The following TTN variants were observed in gnomAD, a reference collection of about 807,000 sequenced individuals.
TTN encodes the protein titin.
TTN carries 1,525 observed loss-of-function variants against 3,223.0 expected under a neutral mutation model. The observed-to-expected ratio is 0.47, with a 90% CI of 0.45 to 0.49. The LOEUF (loss-of-function observed/expected upper bound fraction) is 0.49, where lower values mean the gene tolerates loss of function less well. Ranked by LOEUF, TTN falls within the 20% of genes least tolerant of loss-of-function variation. The pLI is 0.00. For synonymous variants in TTN, 14,094 were observed against 15,161.0 expected (o/e 0.93, Z 5.17); for missense variants, 40,786 against 43,424.0 (o/e 0.94, Z 5.40).
chr2:178,746,289 T>A, intron 47 of TTN: 2 of 1,612,292 alleles, frequency 1.2e-6, no homozygotes, highest in Non-Finnish European at 1.7e-6. Context: ...TCTAAATCAA[T>A]TTTTAGTTCT....
rs532935186 is a variant in TTN at position 178,563,035 on chromosome 2, G to T, written c.83097C>A (p.Ile27699=). The T allele has an allele frequency of 6.2e-7, 1 of 1,613,640 alleles. No individual in the cohort carries two copies. Among genetic ancestry groups the T allele is most frequent in the South Asian group, 1.1e-5 (1 of 91,068 alleles). ...ASATLRLFVT[I]KGRPEPEVKW... ...TAACTTCGGGTTCTGGTCGACCTTTGATAGTGACAAATAAGCGTAAAGTAG... is the reference window on the plus strand; with the variant it reads ...TAACTTCGGGTTCTGGTCGACCTTTTATAGTGACAAATAAGCGTAAAGTAG... Residue 27699 remains isoleucine (I), a synonymous_variant, in exon 326 of 363, where the codon ATC becomes ATA. Coordinates refer to ENST00000589042, the MANE Select transcript of TTN (RefSeq NM_001267550.2). This position sits in a 1 kb window ranked among gnomAD's most constrained non-coding sequence, Gnocchi z 4.5.
rs758306883 is a variant in TTN, at chr2:178,539,367, T to G, written c.98683+15A>C. ...GAAATAATGTTTATAATTTTGTGGT[T>G]GAAAGGGCACTTACTCAATGGTGTT... On this transcript the variant is annotated intron_variant, in intron 352 of 362. Transcript: ENST00000589042. 4 of 1,605,430 alleles carry G rather than the reference T, an allele frequency of 2.5e-6. No individual in the cohort carries two copies. In the South Asian group the frequency reaches 4.4e-5, roughly 18 times the overall value.
At position 178,779,487 on chromosome 2, in the gene TTN, T is replaced by A. The variant is rs199632237; in HGVS notation, c.3730-25A>T. 104 of 1,309,268 alleles carry A rather than the reference T, an allele frequency of 7.9e-5. 1 individual carries two copies. The highest frequency in any genetic ancestry group is 5.3e-4 in the Admixed American group (30 of 57,056). 81.1% of individuals were successfully genotyped at this position (1,309,268 alleles called of 1,614,324 possible). On this transcript the variant is annotated intron_variant, in intron 22 of 362. Coordinates refer to ENST00000589042, the MANE Select transcript of TTN (RefSeq NM_001267550.2). ...CCTATGCAAAAAGATTATGGTCTGT[T>A]AAAAATACATATCCTTACTGATATA...
rs777746298 is a variant in TTN, at chr2:178,533,348, T to C, written c.103267A>G (p.Ile34423Val). The C allele has an allele frequency of 4.3e-6, 7 of 1,613,702 alleles. No homozygotes were observed. Among genetic ancestry groups the C allele is most frequent in the Non-Finnish European group, 3.4e-6 (4 of 1,179,872 alleles). The change falls in exon 358 of 363, where the codon ATC becomes GTC. Residue 34423 changes from isoleucine to valine, a missense_variant. Physicochemically the swap from Ile to Val is conservative, Grantham distance 29 (BLOSUM62 3). Coordinates refer to ENST00000589042, the MANE Select transcript of TTN (RefSeq NM_001267550.2). ...GTGTCTTCAGGCAAAGTGTCCCTGA[T>C]GTGCAGAGCATAATAATCCAAGCCT... The part of the protein sequence containing the change: ...HEGLDYYALH[I>V]RDTLPEDTGY...
In TTN at chr2:178,590,207, T is replaced by G; in HGVS notation, c.61518A>C (p.Pro20506=). The G allele has an allele frequency of 6.2e-7, 1 of 1,607,370 alleles. No homozygotes were observed. Among genetic ancestry groups the G allele is most frequent in the Non-Finnish European group, 8.5e-7 (1 of 1,176,712 alleles). Residue 20506 remains proline (P), a synonymous_variant, in exon 304 of 363, where the codon CCA becomes CCC. Transcript: ENST00000589042. ...ILARVKGRPE[P]DITWTKEGKV... is the part of the protein sequence containing the mutation. ...TGCCTTCCTTAGTCCAAGTTATGTC[T>G]GGTTCAGGTCTGCCTTTGACTCGAG...
Position 178,740,493 on chromosome 2 carries a change from T to C in TTN, c.12740A>G (p.Glu4247Gly), listed in dbSNP as rs879038684. 1.2e-5 allele frequency: 20 copies of C among 1,613,626 alleles called. No homozygotes were observed. The highest frequency in any genetic ancestry group is 2.2e-5 in the East Asian group (1 of 44,804). ...TTGCTTTTGAAGAGTCACTCTTTGCTCTCTGTTGGTGTCAGATACTGTCTT... is the reference window on the plus strand; with the variant it reads ...TTGCTTTTGAAGAGTCACTCTTTGCCCTCTGTTGGTGTCAGATACTGTCTT... ...KEKTVSDTNREQRVTLQKQEA... is the reference protein window; with the variant it reads ...KEKTVSDTNRGQRVTLQKQEA... The change falls in exon 48 of 363, where the codon GAG becomes GGG. Residue 4247 changes from glutamate to glycine, a missense_variant. Coordinates refer to ENST00000589042, the MANE Select transcript of TTN (RefSeq NM_001267550.2).
intron 288 of TTN, among the ~76,000 whole-genome samples, 177 bp from the exon 289 acceptor site, chr2:178,600,027 C>A (rs574157320): frequency 6.6e-6 from 1 of 151,906 alleles, no homozygotes; most frequent in African/African-American, 2.4e-5. Context: ...AGCAGGTACA[C>A]GGGGTCAGCA....
At chr2:178,730,877 A>G (rs759331315) in intron 60 of TTN, 48 bp downstream of exon 60, 1 of 1,538,072 alleles carries the variant, frequency 6.5e-7, no homozygotes, top group South Asian at 1.3e-5. Context: ...TTAAGGGAAG[A>G]AGGAGCATGG....
At chr2:178,758,877 A>C (rs2088136642) in intron 44 of TTN, 107 bp downstream of exon 44, 2 of 1,159,516 alleles carry the variant, frequency 1.7e-6, no homozygotes, top group Non-Finnish European at 2.6e-6. Flanking sequence ...ATTAGAAGAG[A>C]ATGGTAGGAA....
In TTN at chr2:178,549,829, A is replaced by G. The variant is rs752220914; in HGVS notation, c.91893T>C (p.Asn30631=). The change falls in exon 338 of 363, where the codon AAT becomes AAC. Residue 30631 remains asparagine (N), a synonymous_variant. Coordinates refer to ENST00000589042, the MANE Select transcript of TTN (RefSeq NM_001267550.2). ...ACAGAGTCATCTTCTCCCCAGTAATATTGGTGAATCTTATTGGCCCAACTA... is the reference window on the plus strand; with the variant it reads ...ACAGAGTCATCTTCTCCCCAGTAATGTTGGTGAATCTTATTGGCCCAACTA... The part of the protein sequence containing the change: ...GKVVGPIRFT[N]ITGEKMTLWW... 1 of 1,595,560 alleles carries G rather than the reference A, an allele frequency of 6.3e-7. No individual in the cohort carries two copies. The highest frequency in any genetic ancestry group is 8.6e-7 in the Non-Finnish European group (1 of 1,168,892).
At chr2:178,779,948 A>G in intron 22 of TTN, 52 bp downstream of exon 22, 12 of 1,567,756 alleles carry the variant, frequency 7.7e-6, no homozygotes, top group Non-Finnish European at 1.0e-5. Flanking sequence ...AAATAAAAAA[A>G]GGAAAGTATA....
At position 178,544,567 on chromosome 2, in the gene TTN, A is replaced by AT. The variant is rs551218661; in HGVS notation, c.95723-62dup. The stretch of plus-strand genomic sequence containing the variant: ...CAAATAAGGAAATGTTGAGATTTGT[A>AT]TTTTTTGTTTTCAAGACTCACAAAG... On this transcript the variant is annotated intron_variant, in intron 344 of 362. Transcript: ENST00000589042. 2.9e-4 allele frequency: 431 copies of AT among 1,463,802 alleles called. 1 individual carries two copies. The African/African-American group carries it at 5.0e-3, about 17-fold the overall frequency. The allele number at this position is 1,463,802 out of a possible 1,614,324, so 90.7% of individuals were successfully genotyped here.
At chr2:178,702,794 C>A in intron 106 of TTN, 131 bp from the exon 107 acceptor site, 1 of 911,542 alleles carries the variant, frequency 1.1e-6, no homozygotes. Context: ...GTTCAAAAAT[C>A]CAAAATGAGA....
In TTN at chr2:178,605,104, C is replaced by T. The variant is rs2054470493; in HGVS notation, c.54073G>A (p.Glu18025Lys). Residue 18025 changes from glutamate (E) to lysine (K), a missense_variant, in exon 280 of 363, where the codon GAG becomes AAG. Glu to Lys is a moderately conservative substitution (Grantham distance 56). Coordinates refer to ENST00000589042, the MANE Select transcript of TTN (RefSeq NM_001267550.2). Reference sequence around the variant, plus strand: ...GGAATGCTAAGCTCAGTTTTTGCCTCACTTCGGGATACCTCTTCCTTGGTT... The same window carrying T: ...GGAATGCTAAGCTCAGTTTTTGCCTTACTTCGGGATACCTCTTCCTTGGTT... ...QITKEEVSRS[E>K]AKTELSIPKA... 1 of 1,612,738 alleles carries T rather than the reference C, an allele frequency of 6.2e-7. No individual in the cohort carries two copies. The highest frequency in any genetic ancestry group is 2.2e-5 in the East Asian group (1 of 44,698).
Position 178,702,199 on chromosome 2 carries a change from T to G in TTN, c.30480A>C (p.Arg10160Ser). Residue 10160 changes from arginine to serine, a missense_variant, in exon 108 of 363, where the codon AGA becomes AGC. Arg to Ser is a moderately radical substitution (Grantham distance 110). Transcript: ENST00000589042. The stretch of plus-strand genomic sequence containing the variant: ...TCGTTAGGTACAGCTCTGCCGTGCT[T>G]CTTGCTTCACCTCTTGGCTCCAGCC... ...IARLEPRGEA[R>S]STAELYLTTK... The G allele has an allele frequency of 6.2e-7, 1 of 1,614,032 alleles. No individual in the cohort carries two copies. The highest frequency in any genetic ancestry group is 8.5e-7 in the Non-Finnish European group (1 of 1,179,888).
chr2:178,732,560 CT>C lies in TTN; in HGVS notation c.16500del (p.Glu5501LysfsTer3). The C allele has an allele frequency of 6.2e-7, 1 of 1,613,674 alleles. No individual in the cohort carries two copies. The highest frequency in any genetic ancestry group is 8.5e-7 in the Non-Finnish European group (1 of 1,179,752). ...LVSGGSCYIT[K>X]EALESSLELY... ...AGTTCCAGGGAACTCTCTAAAGCTT[CT>C]TTGGTAATATAGCAGCTTCCACCAG... is the stretch of plus-strand genomic sequence containing the variant. On this transcript the variant is annotated frameshift_variant, in exon 56 of 363. Transcript: ENST00000589042. LOFTEE classifies it high-confidence loss of function.
intron 226 of TTN, 119 bp from the exon 227 acceptor site, chr2:178,635,834 G>A (rs1163875600): frequency 2.7e-6 from 4 of 1,506,030 alleles, no homozygotes; most frequent in Admixed American, 4.5e-5. Context: ...TTAATCCACT[G>A]TAGGATATAT....
At chr2:178,715,312 G>C in intron 89 of TTN, 48 bp from the exon 90 acceptor site, 1 of 1,536,684 alleles carries the variant, frequency 6.5e-7, no homozygotes, top group Non-Finnish European at 8.7e-7. Context: ...TAAGTATATA[G>C]TTAAAAGTAA....
At chr2:178,647,326 G>A in intron 214 of TTN, 55 bp downstream of exon 214, 1 of 1,524,938 alleles carries the variant, frequency 6.6e-7, no homozygotes, top group Non-Finnish European at 8.9e-7. Context: ...TACAATCAAA[G>A]CAAGAGGATG....
Sources: gnomAD v4.1 joint callset for allele counts (sites outside exome capture counted in the v4.1 genomes callset) on GRCh38, gnomAD v4.1.1 for gene constraint, Gnocchi (gnomAD v3.1) non-coding constraint, MANE v1.5 for transcripts, NCBI Gene and HGNC (gene_info 2026-07-23, HGNC 2026-07-21) for gene names.